Variants in CYTIP observed in about 807,000 individuals in gnomAD.
CYTIP encodes cytohesin 1 interacting protein.
Under a neutral mutation model 43.8 loss-of-function variants are expected in CYTIP, and 26 were observed. The ratio of observed to expected loss-of-function variants is 0.59; its 90% CI spans 0.44 to 0.82. CYTIP has a LOEUF of 0.82. Among genes scored for constraint, CYTIP ranks in the 40% least tolerant of loss-of-function variants. CYTIP has a pLI of 0.00. For missense variants in CYTIP, 426 were observed against 443.1 expected (o/e 0.96, Z 0.35); for synonymous variants, 162 against 162.9 (o/e 0.99, Z 0.04).
intron 7 of CYTIP, 79 bp from the exon 8 acceptor site, chr2:157,416,222 T>TCTCGTGTCATTCAAAGA: frequency 8.5e-7 from 1 of 1,174,364 alleles, no homozygotes; most frequent in Non-Finnish European, 1.2e-6. Context: ...AACTTCTCTT[T>TCTCGTGTCATTCAAAGA]GAATGACACG....
intron 3 of CYTIP, among the ~76,000 whole-genome samples, chr2:157,431,368 G>A (rs908081693): frequency 6.6e-6 from 1 of 152,204 alleles, no homozygotes; most frequent in Non-Finnish European, 1.5e-5. Flanking sequence ...GTATGAAATT[G>A]TACACATGCA....
intron 5 of CYTIP, 59 bp from the exon 6 acceptor site, chr2:157,427,479 G>A (rs556501520): frequency 3.6e-4 from 448 of 1,237,950 alleles, no homozygotes; most frequent in Non-Finnish European, 4.6e-4. Flanking sequence ...TGAGTGATTC[G>A]TTTAAATAAG....
intron 7 of CYTIP, 29 bp from the exon 8 acceptor site, chr2:157,416,172 A>C (rs753597478): frequency 7.1e-6 from 11 of 1,544,540 alleles, no homozygotes; most frequent in Non-Finnish European, 9.7e-6. Context: ...TGTGAAATGG[A>C]TCTGTTCATT....
chr2:157,422,423 T>A (rs780381063), intron 6 of CYTIP, among the ~76,000 whole-genome samples: 1 of 152,130 alleles, frequency 6.6e-6, no homozygotes, highest in Non-Finnish European at 1.5e-5. Flanking sequence ...ATCCCAGCAC[T>A]TTGGGAGGCC....
rs1458087706 is a variant in CYTIP, at chr2:157,434,559, T to C, written c.225-135A>G. On this transcript the variant is annotated intron_variant, in intron 2 of 7. Coordinates refer to ENST00000264192, the MANE Select transcript of CYTIP (RefSeq NM_004288.5). Reference sequence around the variant, plus strand: ...GTAAATTGTAGTATGTAAGATTCTGTGTGTGTGTCTGTGTGTGTGCGTCTG... The same window carrying C: ...GTAAATTGTAGTATGTAAGATTCTGCGTGTGTGTCTGTGTGTGTGCGTCTG... 1.1e-5 allele frequency: 9 copies of C among 829,390 alleles called. No homozygotes were observed. In the Admixed American group the frequency reaches 1.9e-4, roughly 17 times the overall value. The allele number at this position is 829,390 out of a possible 1,614,324, so 51.4% of individuals were successfully genotyped here.
At chr2:157,422,966 A>G (rs1364381229) in intron 6 of CYTIP, among the ~76,000 whole-genome samples, 1 of 152,152 alleles carries the variant, frequency 6.6e-6, no homozygotes, top group Non-Finnish European at 1.5e-5. Context: ...GACCTATGAA[A>G]TAGTCATTAG....
chr2:157,443,960 C>T lies in CYTIP; in HGVS notation c.61G>A (p.Gly21Arg), dbSNP rs1298398545. ...GTGGAGTAAGAGCTATACGCTGGCC[C>T]AGCGCAGAAGTCCGCCAAATTGCCA... ...SNGNLADFCA[G>R]PAYSSYSTLT... The change falls in exon 1 of 8, where the codon GGG becomes AGG. Residue 21 changes from glycine (G) to arginine (R), a missense_variant. Gly to Arg is a moderately radical substitution (Grantham distance 125, BLOSUM62 -2). Coordinates refer to ENST00000264192, the MANE Select transcript of CYTIP (RefSeq NM_004288.5). 6.2e-7 allele frequency: 1 copy of T among 1,614,130 alleles called. No homozygotes were observed. The highest frequency in any genetic ancestry group is 8.5e-7 in the Non-Finnish European group (1 of 1,179,984).
At chr2:157,438,896 C>A in intron 1 of CYTIP, 1 of 363,866 alleles carries the variant, frequency 2.7e-6, no homozygotes, top group Admixed American at 3.2e-5. Flanking sequence ...TTTAGTATGC[C>A]GGAAATCAGT....
Position 157,431,059 on chromosome 2 carries a change from T to C in CYTIP, c.280-97A>G, listed in dbSNP as rs1198181091. 8.2e-6 allele frequency: 8 copies of C among 974,754 alleles called. No homozygotes were observed. The Admixed American group carries it at 8.4e-5, about 10-fold the overall frequency. The allele number at this position is 974,754 out of a possible 1,614,324, so 60.4% of individuals were successfully genotyped here. ...TGTCAATTATCATTAAGCAGTATAA[T>C]AGGTAAGTTCAAAGGACAAAGGATT... On this transcript the variant is annotated intron_variant, in intron 3 of 7. Transcript: ENST00000264192.
intron 7 of CYTIP, 82 bp downstream of exon 7, chr2:157,418,441 T>C: frequency 3.6e-6 from 5 of 1,393,218 alleles, no homozygotes; most frequent in Admixed American, 2.3e-5. Flanking sequence ...CTTATAATGA[T>C]GATAATCTTA....
In CYTIP at chr2:157,416,163, G is replaced by A. The variant is rs1265990276; in HGVS notation, c.614-20C>T. On this transcript the variant is annotated intron_variant, in intron 7 of 7. Transcript: ENST00000264192. ...CATCACCTAGAGCACAAAGTCTACT[G>A]TGAAATGGATCTGTTCATTACTCCC... is the stretch of plus-strand genomic sequence containing the variant. The A allele has an allele frequency of 1.9e-6, 3 of 1,571,284 alleles. No individual in the cohort carries two copies. The highest frequency in any genetic ancestry group is 3.5e-5 in the Admixed American group (2 of 56,340).
At chr2:157,437,850 T>G (rs1685837209) in intron 1 of CYTIP, among the ~76,000 whole-genome samples, 1 of 152,140 alleles carries the variant, frequency 6.6e-6, no homozygotes, top group South Asian at 2.1e-4. Flanking sequence ...TTAGGATAGC[T>G]ATGATCAAAA....
intron 6 of CYTIP, among the ~76,000 whole-genome samples, chr2:157,426,197 A>C (rs1685604776): frequency 6.6e-6 from 1 of 152,166 alleles, no homozygotes; most frequent in African/African-American, 2.4e-5. Flanking sequence ...AAATATAGGA[A>C]GATAATTACA....
intron 6 of CYTIP, among the ~76,000 whole-genome samples, chr2:157,424,023 G>T (rs992708786): frequency 2.0e-5 from 3 of 152,144 alleles, no homozygotes; most frequent in African/African-American, 7.2e-5. Flanking sequence ...ATTCCTAGTG[G>T]AAAAGAAATT....
intron 2 of CYTIP, 57 bp downstream of exon 2, chr2:157,434,640 TG>T: frequency 7.5e-7 from 1 of 1,328,516 alleles, no homozygotes; most frequent in Non-Finnish European, 1.1e-6. Context: ...AAAAACAGTC[TG>T]GAGAGCTATG....
At chr2:157,423,068 G>T (rs1331439600) in intron 6 of CYTIP, among the ~76,000 whole-genome samples, 1 of 151,998 alleles carries the variant, frequency 6.6e-6, no homozygotes. Context: ...CAAAAAGATT[G>T]AGTTGATAGT....
intron 1 of CYTIP, among the ~76,000 whole-genome samples, chr2:157,437,167 A>G (rs1285835399): frequency 6.6e-6 from 1 of 152,152 alleles, no homozygotes; most frequent in Non-Finnish European, 1.5e-5. Flanking sequence ...AAAAAATTTT[A>G]TGAATAAGAC....
Sources: allele counts gnomAD v4.1 joint callset (sites outside exome capture counted in the v4.1 genomes callset), GRCh38; gene constraint gnomAD v4.1.1; transcripts MANE v1.5; gene names NCBI Gene and HGNC (gene_info 2026-07-23, HGNC 2026-07-21).